The following SCAPER variants were observed in gnomAD, a reference collection of about 807,000 sequenced individuals.
The protein encoded by SCAPER is S phase cyclin A-associated protein in the endoplasmic reticulum.
SCAPER carries 98 observed loss-of-function variants against 182.2 expected under a neutral mutation model. The observed-to-expected ratio is 0.54, with a 90% CI of 0.46 to 0.64. The LOEUF (loss-of-function observed/expected upper bound fraction) is 0.64. SCAPER is among the 30% of genes least tolerant of loss of function. The pLI is 0.00. For missense variants in SCAPER, 1,432 were observed against 1,690.0 expected, an observed-to-expected ratio of 0.85 and a Z score of 2.68; for synonymous variants, 605 against 564.6, an observed-to-expected ratio of 1.07 and a Z score of -1.01.
At chr15:76,558,043 A>G (rs2046322339) in intron 23 of SCAPER, among the ~76,000 whole-genome samples, 1 of 152,104 alleles carries the variant, frequency 6.6e-6, no homozygotes. Flanking sequence ...AACTATAAAA[A>G]CCCTAGAAGA....
At chr15:76,768,853 T>C (rs1476507958) in intron 10 of SCAPER, among the ~76,000 whole-genome samples, 5 of 151,784 alleles carry the variant, frequency 3.3e-5, no homozygotes, top group Non-Finnish European at 7.4e-5. Context: ...TATATATACA[T>C]GTTCACATAA....
chr15:76,835,933 C>CAAAAAAAAAAAAAAAA, intron 5 of SCAPER, among the ~76,000 whole-genome samples: 1 of 94,300 alleles, frequency 1.1e-5, no homozygotes, highest in Non-Finnish European at 2.0e-5. Flanking sequence ...ACATTAGCCA[C>CAAAAAAAAAAAAAAAA]AAAAAAAAAA....
chr15:76,762,121 T>G (rs1211347404), intron 14 of SCAPER, among the ~76,000 whole-genome samples: 1 of 152,222 alleles, frequency 6.6e-6, no homozygotes, highest in Non-Finnish European at 1.5e-5. Flanking sequence ...ACAATTTACA[T>G]GGAATAAGAT....
chr15:76,765,610 AAAG>A lies in SCAPER; in HGVS notation c.1445_1447del (p.Ser482del). ...GTTCCAGTCCATGGACATACCACAG[AAAG>A]AAACACTCCCACTGCCCATGCTGGC... On this transcript the variant is annotated inframe_deletion, in exon 12 of 32. Transcript: ENST00000563290. The A allele has an allele frequency of 6.3e-7, 1 of 1,586,360 alleles. No individual in the cohort carries two copies. The highest frequency in any genetic ancestry group is 8.6e-7 in the Non-Finnish European group (1 of 1,165,108).
At chr15:76,739,734 C>T (rs1206930453) in intron 15 of SCAPER, among the ~76,000 whole-genome samples, 1 of 152,104 alleles carries the variant, frequency 6.6e-6, no homozygotes, top group African/African-American at 2.4e-5. Flanking sequence ...ACCAAAACTG[C>T]AATTAAGGGA....
Position 76,728,656 on chromosome 15 carries a change from T to C in SCAPER, c.2104A>G (p.Ile702Val). 2 of 1,613,746 alleles carry C rather than the reference T, an allele frequency of 1.2e-6. No homozygotes were observed. The highest frequency in any genetic ancestry group is 1.7e-6 in the Non-Finnish European group (2 of 1,179,724). The change falls in exon 17 of 32, where the codon ATT becomes GTT. Residue 702 changes from isoleucine (I) to valine (V), a missense_variant. Ile to Val is a conservative substitution (Grantham distance 29, BLOSUM62 3). Around this residue, in one of 5 missense-constraint regions of SCAPER, gnomAD observed 88 missense variants for 184.2 expected, o/e 0.48. Coordinates refer to ENST00000563290, the MANE Select transcript of SCAPER (RefSeq NM_020843.4). ...LMKRKEQEAR[I>V]EQQRQEKEKA... ...TCCTTTTCTTGCCTCTGTTGTTCAA[T>C]TCGGGCTTCTTGTTCTTTCCTCTTC...
At chr15:76,411,641 C>A (rs1266469074) in intron 26 of SCAPER, among the ~76,000 whole-genome samples, 2 of 152,002 alleles carry the variant, frequency 1.3e-5, no homozygotes, top group Non-Finnish European at 2.9e-5. Context: ...GGGTAAATAC[C>A]TAAGAGTAGA....
At chr15:76,402,464 A>G (rs1429014174) in intron 27 of SCAPER, among the ~76,000 whole-genome samples, 1 of 152,166 alleles carries the variant, frequency 6.6e-6, no homozygotes, top group Non-Finnish European at 1.5e-5. Flanking sequence ...GTTTTTCTCA[A>G]CTGATTTTTT....
intron 21 of SCAPER, among the ~76,000 whole-genome samples, chr15:76,641,364 A>G (rs1424955285): frequency 6.6e-6 from 1 of 152,136 alleles, no homozygotes; most frequent in Non-Finnish European, 1.5e-5. Context: ...CCTCATAATC[A>G]AATGACCCTA....
At chr15:76,849,729 C>G (rs2070514188) in intron 4 of SCAPER, among the ~76,000 whole-genome samples, 1 of 152,232 alleles carries the variant, frequency 6.6e-6, no homozygotes. Context: ...AAAGCTTCAA[C>G]ACCAAAAATA....
In SCAPER at chr15:76,701,842, A is replaced by G. The variant is rs1389511902; in HGVS notation, c.2424T>C (p.Phe808=). The G allele has an allele frequency of 9.9e-6, 16 of 1,613,558 alleles. No individual in the cohort carries two copies. The highest frequency in any genetic ancestry group is 1.3e-5 in the Non-Finnish European group (15 of 1,179,650). The change falls in exon 20 of 32, where the codon TTT becomes TTC. Residue 808 remains phenylalanine (F), a synonymous_variant. Coordinates refer to ENST00000563290, the MANE Select transcript of SCAPER (RefSeq NM_020843.4). The part of the protein sequence containing the change: ...NVLISSEVYL[F]SHVKGRKHQQ... ...GGTGTTTTCTCCCTTTAACATGGCT[A>G]AAAAGATATACCTCTGAAGAGATCT...
intron 8 of SCAPER, among the ~76,000 whole-genome samples, chr15:76,793,691 T>TCTTTATAATAATAA (rs2065143073): frequency 6.6e-6 from 1 of 152,244 alleles, no homozygotes; most frequent in Non-Finnish European, 1.5e-5. Flanking sequence ...TTAGTAATAT[T>TCTTTATAATAATAA]CTTTATAATA....
chr15:76,427,116 T>C (rs2046491468), intron 26 of SCAPER, among the ~76,000 whole-genome samples: 1 of 152,134 alleles, frequency 6.6e-6, no homozygotes, highest in Non-Finnish European at 1.5e-5. Context: ...ATGAATGTAC[T>C]AGAAGAAAAC....
intron 16 of SCAPER, among the ~76,000 whole-genome samples, chr15:76,732,562 C>T (rs2060978550): frequency 6.6e-6 from 1 of 152,080 alleles, no homozygotes; most frequent in Non-Finnish European, 1.5e-5. Flanking sequence ...ATGCTCATTG[C>T]CAAGCGGACC....
intron 4 of SCAPER, among the ~76,000 whole-genome samples, chr15:76,843,886 G>GT (rs2069747445): frequency 6.6e-6 from 1 of 152,058 alleles, no homozygotes; most frequent in Admixed American, 6.6e-5. Context: ...AATAGCAGTG[G>GT]TAATAACAAT....
chr15:76,386,841 C>A (rs1653719460), intron 27 of SCAPER, among the ~76,000 whole-genome samples: 1 of 152,124 alleles, frequency 6.6e-6, no homozygotes, highest in Non-Finnish European at 1.5e-5. Context: ...CAGGTAGAGT[C>A]TTGGAAACCA....
intron 5 of SCAPER, among the ~76,000 whole-genome samples, chr15:76,827,046 G>A (rs1424038769): frequency 6.6e-6 from 1 of 152,006 alleles, no homozygotes; most frequent in Non-Finnish European, 1.5e-5. Context: ...AAGTTGTAAT[G>A]TGTCTAAATC....
intron 15 of SCAPER, among the ~76,000 whole-genome samples, chr15:76,742,980 A>G (rs2061625443): frequency 6.6e-6 from 1 of 152,156 alleles, no homozygotes; most frequent in Non-Finnish European, 1.5e-5. Flanking sequence ...TGCTTTTGTT[A>G]TAACAAAGAT....
In SCAPER at chr15:76,736,352, T is replaced by G. The variant is rs1598436568; in HGVS notation, c.1867-2968A>C. On this transcript the variant is annotated intron_variant, in intron 15 of 31. Transcript: ENST00000563290. ...TGGTTGCTGAAGGTTGAAGTGGCTG[T>G]GGCAATTTCTTAAAATAGGACAACA... 5.3e-5 allele frequency among the ~76,000 whole-genome samples: 8 copies of G among 152,202 alleles called. No homozygotes were observed. In the South Asian group the frequency reaches 1.4e-3, roughly 28 times the overall value.
Sources: allele counts gnomAD v4.1 joint callset (sites outside exome capture counted in the v4.1 genomes callset), GRCh38; gene constraint gnomAD v4.1.1; regional missense constraint gnomAD v4.1.1; transcripts MANE v1.5; gene names NCBI Gene and HGNC (gene_info 2026-07-23, HGNC 2026-07-21).